SPATS1: variants seen among roughly 807,000 people sequenced by gnomAD.
The protein encoded by SPATS1 is spermatogenesis associated serine rich 1.
SPATS1 carries 23 observed loss-of-function variants against 33.6 expected under a neutral mutation model. The ratio of observed to expected loss-of-function variants is 0.68; its 90% confidence interval spans 0.49 to 0.97. The LOEUF (loss-of-function observed/expected upper bound fraction) is 0.97. Ranked by LOEUF, SPATS1 falls within the 50% of genes least tolerant of loss-of-function variation. The pLI is 0.00. For missense variants in SPATS1, 327 were observed against 361.0 expected (o/e 0.91, Z 0.76); for synonymous variants, 131 against 125.6 (o/e 1.04, Z -0.29).
intron 7 of SPATS1, among the ~76,000 whole-genome samples, chr6:44,370,979 G>GTTTTTTTT (rs532344535): frequency 7.1e-5 from 10 of 141,694 alleles, no homozygotes; most frequent in Non-Finnish European, 9.3e-5. Context: ...AAAAAGAAAG[G>GTTTTTTTT]TTTTTTTTTT....
At chr6:44,362,918 A>G (rs1375455486) in intron 5 of SPATS1, among the ~76,000 whole-genome samples, 1 of 151,588 alleles carries the variant, frequency 6.6e-6, no homozygotes, top group Non-Finnish European at 1.5e-5. Context: ...GGCTCACAGC[A>G]ACCTCCGCCT....
chr6:44,370,062 A>C lies in SPATS1; in HGVS notation c.707A>C (p.Glu236Ala), dbSNP rs559219655. ...TTTCTGTTTTTCAGAGTGCCTTATG[A>C]AAAGAAATTTGATACATTTATTCCA... The part of the protein sequence containing the change: ...PPVNFSIVPY[E>A]KKFDTFIPLE... The change falls in exon 7 of 9, where the codon GAA becomes GCA. Residue 236 changes from glutamate (E) to alanine (A), a missense_variant. Coordinates refer to ENST00000674044, the MANE Select transcript of SPATS1 (RefSeq NM_001372081.1). The C allele has an allele frequency of 1.6e-5, 26 of 1,612,254 alleles. No individual in the cohort carries two copies. The African/African-American group carries it at 2.5e-4, about 16-fold the overall frequency.
intron 2 of SPATS1, among the ~76,000 whole-genome samples, chr6:44,347,844 G>T (rs1787992044): frequency 6.6e-6 from 1 of 151,938 alleles, no homozygotes; most frequent in Non-Finnish European, 1.5e-5. Flanking sequence ...TGTCAGTACT[G>T]TCTTGATTAT....
rs55976441 is a variant in SPATS1, at chr6:44,379,599, CAAAAAAAAAAAA to C, written c.*2553_*2564del. Reference sequence around the variant, plus strand: ...TGGGCAACAGAGTGAGACTCTGTCTCAAAAAAAAAAAAAAAAAAAAAAAAAAAAGAAAGAAAG... The same window carrying C: ...TGGGCAACAGAGTGAGACTCTGTCTCAAAAAAAAAAAAAAAAGAAAGAAAG... On this transcript the variant is annotated 3_prime_UTR_variant, in exon 9 of 9. Transcript: ENST00000674044. Among the ~76,000 whole-genome samples, 3 of 54,746 alleles carry C rather than the reference CAAAAAAAAAAAA, an allele frequency of 5.5e-5. No homozygotes were observed. In the East Asian group the frequency reaches 1.7e-3, roughly 30 times the overall value. 35.9% of individuals were successfully genotyped at this position (54,746 alleles called of 152,430 possible). A position where few individuals can be genotyped will look rare whatever the true frequency, so the allele number is the denominator to read the frequency against.
intron 7 of SPATS1, among the ~76,000 whole-genome samples, chr6:44,374,805 T>A (rs777987631): frequency 6.6e-6 from 1 of 152,254 alleles, no homozygotes; most frequent in Non-Finnish European, 1.5e-5. Context: ...TCTTTATACA[T>A]TGCTCTTAGT....
At chr6:44,354,198 G>A (rs1405342776) in intron 3 of SPATS1, among the ~76,000 whole-genome samples, 2 of 151,834 alleles carry the variant, frequency 1.3e-5, no homozygotes, top group African/African-American at 2.4e-5. Flanking sequence ...GCCGGGCCTG[G>A]GGGTGTGCAC....
In SPATS1 at chr6:44,377,829, T is replaced by C. The variant is rs1338767123; in HGVS notation, c.*766T>C. On this transcript the variant is annotated 3_prime_UTR_variant, in exon 9 of 9. Transcript: ENST00000674044. Reference sequence around the variant, plus strand: ...TTTACAAGGGCACTAATCTCATTCATGAGGGCTCTGGTCTCATGACCTAAT... The same window carrying C: ...TTTACAAGGGCACTAATCTCATTCACGAGGGCTCTGGTCTCATGACCTAAT... The C allele has an allele frequency of 6.6e-6, 1 of 152,250 alleles. No individual in the cohort carries two copies. Among genetic ancestry groups the C allele is most frequent in the Non-Finnish European group, 1.5e-5 (1 of 68,114 alleles). 9.4% of individuals were successfully genotyped at this position (152,250 alleles called of 1,614,324 possible).
At position 44,343,227 on chromosome 6, in the gene SPATS1, G is replaced by A; in HGVS notation, c.132G>A (p.Arg44=). The A allele has an allele frequency of 6.2e-7, 1 of 1,613,550 alleles. No individual in the cohort carries two copies. Among genetic ancestry groups the A allele is most frequent in the Non-Finnish European group, 8.5e-7 (1 of 1,179,868 alleles). ...KRDSGMTEVE[R]TYSANCSDFL... ...ACTCTGGCATGACCGAGGTGGAGAG[G>A]ACCTACAGTTGAGTTCTAAGAAATC... Residue 44 remains arginine (R), a synonymous_variant, in exon 2 of 9, where the codon AGG becomes AGA. Transcript: ENST00000674044.
chr6:44,348,655 A>G (rs1467357087), intron 2 of SPATS1, among the ~76,000 whole-genome samples: 1 of 152,112 alleles, frequency 6.6e-6, no homozygotes, highest in African/African-American at 2.4e-5. Context: ...AAGCATGTAG[A>G]ACGTGTGTTC....
intron 6 of SPATS1, among the ~76,000 whole-genome samples, chr6:44,368,830 CTT>C (rs999709036): frequency 8.6e-5 from 13 of 151,988 alleles, no homozygotes; most frequent in African/African-American, 2.9e-4. Context: ...TGGAAATAAA[CTT>C]AGACCAAAGT....
intron 3 of SPATS1, among the ~76,000 whole-genome samples, chr6:44,358,297 C>T (rs1788710137): frequency 6.6e-6 from 1 of 152,134 alleles, no homozygotes; most frequent in Non-Finnish European, 1.5e-5. Context: ...AAAACATTGT[C>T]CAAGGCCAGG....
Position 44,380,103 on chromosome 6 carries a change from G to A in SPATS1, c.*3040G>A, listed in dbSNP as rs1410394576. Among the ~76,000 whole-genome samples, 3 of 152,198 alleles carry A rather than the reference G, an allele frequency of 2.0e-5. No homozygotes were observed. Among genetic ancestry groups the A allele is most frequent in the South Asian group, 2.1e-4 (1 of 4,834 alleles). ...GCTTTTGCTTCTTTCCAGCTAGAAA[G>A]AGGTTGAACCTGTTAGATGTAAAGA... On this transcript the variant is annotated 3_prime_UTR_variant, in exon 9 of 9. Coordinates refer to ENST00000674044, the MANE Select transcript of SPATS1 (RefSeq NM_001372081.1).
At chr6:44,372,781 T>C (rs1345557790) in intron 7 of SPATS1, among the ~76,000 whole-genome samples, 1 of 152,124 alleles carries the variant, frequency 6.6e-6, no homozygotes, top group East Asian at 1.9e-4. Context: ...TTTTAAAGAG[T>C]GCTGGTCTTT....
intron 6 of SPATS1, among the ~76,000 whole-genome samples, chr6:44,368,855 T>C (rs979239928): frequency 6.6e-6 from 1 of 151,958 alleles, no homozygotes; most frequent in South Asian, 2.1e-4. Context: ...TGGAGAAAAG[T>C]GGGAGGATCA....
intron 5 of SPATS1, 86 bp downstream of exon 5, chr6:44,362,078 G>A (rs774998534): frequency 1.9e-6 from 3 of 1,542,220 alleles, no homozygotes; most frequent in East Asian, 2.3e-5. Context: ...CTGTAGCTGG[G>A]GGCAGCCCTG....
At chr6:44,349,288 CAAAAAAA>C (rs35407623) in intron 2 of SPATS1, among the ~76,000 whole-genome samples, 3 of 72,638 alleles carry the variant, frequency 4.1e-5, no homozygotes, top group South Asian at 6.5e-4. Flanking sequence ...GACTCTGGCT[CAAAAAAA>C]AAAAAAAAAA....
chr6:44,376,967 G>C (rs1790002221), intron 8 of SPATS1, 68 bp from the exon 9 acceptor site: 1 of 1,576,010 alleles, frequency 6.3e-7, no homozygotes, highest in Non-Finnish European at 8.7e-7. Flanking sequence ...TGGGGGTCGA[G>C]TGTATTGATT....
At chr6:44,343,835 C>G (rs1787713115) in intron 2 of SPATS1, among the ~76,000 whole-genome samples, 1 of 152,186 alleles carries the variant, frequency 6.6e-6, no homozygotes, top group Non-Finnish European at 1.5e-5. Flanking sequence ...CGCCTGCGCT[C>G]AAGTTCTCAT....
intron 2 of SPATS1, among the ~76,000 whole-genome samples, chr6:44,344,444 G>A (rs1389027180): frequency 6.7e-6 from 1 of 149,550 alleles, no homozygotes; most frequent in Non-Finnish European, 1.5e-5. Context: ...TCAGAGAACC[G>A]ATTGCTTTCA....
Sources: gnomAD v4.1 joint callset for allele counts (sites outside exome capture counted in the v4.1 genomes callset) on GRCh38, gnomAD v4.1.1 for gene constraint, MANE v1.5 for transcripts, NCBI Gene and HGNC (gene_info 2026-07-23, HGNC 2026-07-21) for gene names.